DNM1: variants seen among roughly 807,000 people sequenced by gnomAD.
DNM1 encodes the protein dynamin-1.
Under a neutral mutation model 104.6 loss-of-function variants are expected in DNM1, and 29 were observed. That is an observed-to-expected ratio of 0.28 (90% CI 0.21 to 0.38). DNM1 has a LOEUF of 0.38. Ranked by LOEUF, DNM1 falls within the 10% of genes least tolerant of loss-of-function variation. The pLI is 1.00. For synonymous variants in DNM1, 445 were observed against 475.8 expected (o/e 0.94, Z 0.84); for missense variants, 640 against 1,189.4 (o/e 0.54, Z 6.79).
chr9:128,205,306 G>T (rs139009572), intron 1 of DNM1, among the ~76,000 whole-genome samples: 110 of 152,290 alleles, frequency 7.2e-4, no homozygotes, highest in Non-Finnish European at 1.2e-3. Flanking sequence ...CGTGCTTCAG[G>T]CTTGGGGTAG....
intron 10 of DNM1, among the ~76,000 whole-genome samples, chr9:128,229,367 G>A (rs1022871378): frequency 1.3e-5 from 2 of 150,672 alleles, no homozygotes; most frequent in Non-Finnish European, 3.0e-5. Context: ...TAGAGACCCT[G>A]TCTCTAAAAT....
chr9:128,244,695 G>C, intron 15 of DNM1: 1 of 520,000 alleles, frequency 1.9e-6, no homozygotes. Flanking sequence ...GGCAGGGGTC[G>C]GTCCAGCTCT....
intron 15 of DNM1, among the ~76,000 whole-genome samples, chr9:128,246,191 A>C (rs1419892298): frequency 6.6e-6 from 1 of 152,044 alleles, no homozygotes; most frequent in Admixed American, 6.5e-5. Context: ...GCATATATGC[A>C]GAGCTGGTAG....
At position 128,231,452 on chromosome 9, in the gene DNM1, C is replaced by T. The variant is rs1588400217; in HGVS notation, c.1336-2569C>T. Among the ~76,000 whole-genome samples the T allele has an allele frequency of 2.0e-5, 3 of 152,128 alleles. No homozygotes were observed. In the South Asian group the frequency reaches 6.2e-4, roughly 32 times the overall value. ...CCGACCTCAGGTGATCTGCCCACCT[C>T]GGCCTCCCAATGTACTGGGATTACA... is the stretch of plus-strand genomic sequence containing the variant. On this transcript the variant is annotated intron_variant, in intron 10 of 21. Transcript: ENST00000372923.
intron 10 of DNM1, among the ~76,000 whole-genome samples, chr9:128,232,981 G>A (rs1835791643): frequency 6.6e-6 from 1 of 152,192 alleles, no homozygotes; most frequent in Admixed American, 6.5e-5. Flanking sequence ...GGTGGAGTGG[G>A]AGAGGAGTGG....
intron 1 of DNM1, among the ~76,000 whole-genome samples, chr9:128,205,570 C>G (rs1397068696): frequency 6.6e-6 from 1 of 152,206 alleles, no homozygotes; most frequent in African/African-American, 2.4e-5. Flanking sequence ...ACAGCCGGGT[C>G]CTGCACCAGG....
At chr9:128,239,825 A>C (rs1160986999) in intron 13 of DNM1, 46 bp downstream of exon 13, 2 of 1,591,282 alleles carry the variant, frequency 1.3e-6, no homozygotes, top group African/African-American at 2.7e-5. Flanking sequence ...AGGGTGCCGG[A>C]CGGACACCAG....
chr9:128,233,833 G>A lies in DNM1; in HGVS notation c.1336-188G>A, dbSNP rs1588408089. 19 of 596,080 alleles carry A rather than the reference G, an allele frequency of 3.2e-5. No homozygotes were observed. The South Asian group carries it at 3.7e-4, about 12-fold the overall frequency. The allele number at this position is 596,080 out of a possible 1,614,324, so 36.9% of individuals were successfully genotyped here. On this transcript the variant is annotated intron_variant, in intron 10 of 21. Coordinates refer to ENST00000372923, the MANE Select transcript of DNM1 (RefSeq NM_004408.4). ...GAATCACCATTTGGAACCCACACTTGGGGGAAAGGGGTGGCCGTGGCTTGG... is the reference window on the plus strand; with the variant it reads ...GAATCACCATTTGGAACCCACACTTAGGGGAAAGGGGTGGCCGTGGCTTGG...
At chr9:128,239,567 C>CGTGT (rs34036148) in intron 12 of DNM1, 52 bp downstream of exon 12, 10,536 of 880,416 alleles carry the variant, frequency 0.012, 69 homozygotes, top group African/African-American at 0.03. Context: ...GAGAAGGTAA[C>CGTGT]GTGTGTGTGT....
At chr9:128,250,501 TCGCGGGGCGGGGCTTGC>T in intron 20 of DNM1, 145 bp downstream of exon 20, 1 of 1,080,108 alleles carries the variant, frequency 9.3e-7, no homozygotes, top group Non-Finnish European at 1.3e-6. Context: ...GCGGGGCTTG[TCGCGGGGCGGGGCTTGC>T]CGTGGAGAGC....
chr9:128,205,009 G>A (rs3003569), intron 1 of DNM1: 127,124 of 152,276 alleles, frequency 0.83, 54,507 homozygotes, highest in Non-Finnish European at 0.94. Flanking sequence ...GAGGGAGAGG[G>A]CCTGACTGGA....
At position 128,203,744 on chromosome 9, in the gene DNM1, C is replaced by A; in HGVS notation, c.161+113C>A. ...GCAGCCCCCGACGCTGCACCCGCGG[C>A]CGGCGCGCCCCCCACCCCCAGCCGG... On this transcript the variant is annotated intron_variant, in intron 1 of 21. Coordinates refer to ENST00000372923, the MANE Select transcript of DNM1 (RefSeq NM_004408.4). This position sits in a 1 kb window ranked among gnomAD's most constrained non-coding sequence, Gnocchi z 5.3. 1 of 1,015,906 alleles carries A rather than the reference C, an allele frequency of 9.8e-7. No homozygotes were observed. Among genetic ancestry groups the A allele is most frequent in the Non-Finnish European group, 1.3e-6 (1 of 791,864 alleles). 62.9% of individuals were successfully genotyped at this position (1,015,906 alleles called of 1,614,324 possible).
In DNM1 at chr9:128,248,098, G is replaced by A; in HGVS notation, c.1905+163G>A. ...AAACCCAACACTTTGGGAGGCCGAG[G>A]TGGGCGGATCACAAGGTCAGGAGTT... On this transcript the variant is annotated intron_variant, in intron 18 of 21. Coordinates refer to ENST00000372923, the MANE Select transcript of DNM1 (RefSeq NM_004408.4). This position sits in a 1 kb window ranked among gnomAD's most constrained non-coding sequence, Gnocchi z 5.6. 1.1e-6 allele frequency: 1 copy of A among 920,418 alleles called. No individual in the cohort carries two copies. Among genetic ancestry groups the A allele is most frequent in the Non-Finnish European group, 1.8e-6 (1 of 570,966 alleles). 57.0% of individuals were successfully genotyped at this position (920,418 alleles called of 1,614,324 possible).
In DNM1 at chr9:128,222,410, C is replaced by T. The variant is rs377545278; in HGVS notation, c.993-51C>T. On this transcript the variant is annotated intron_variant, in intron 7 of 21. Coordinates refer to ENST00000372923, the MANE Select transcript of DNM1 (RefSeq NM_004408.4). This position sits in a 1 kb window ranked among gnomAD's most constrained non-coding sequence, Gnocchi z 7.8. Reference sequence around the variant, plus strand: ...CTCAGCGTGGGGCTCTCCCAGGGTTCCCTTTGCTGGGCTGCTCCTGCCCCC... The same window carrying T: ...CTCAGCGTGGGGCTCTCCCAGGGTTTCCTTTGCTGGGCTGCTCCTGCCCCC... The T allele has an allele frequency of 3.1e-6, 5 of 1,610,276 alleles. No individual in the cohort carries two copies. The African/African-American group carries it at 6.7e-5, about 22-fold the overall frequency.
chr9:128,237,804 C>T (rs1554780175), intron 11 of DNM1, among the ~76,000 whole-genome samples: 1 of 152,074 alleles, frequency 6.6e-6, no homozygotes, highest in Non-Finnish European at 1.5e-5. Flanking sequence ...GATAGGGTCT[C>T]GCTCTGACGC....
At position 128,247,833 on chromosome 9, in the gene DNM1, C is replaced by T; in HGVS notation, c.1894-91C>T. 6.5e-7 allele frequency: 1 copy of T among 1,545,694 alleles called. No individual in the cohort carries two copies. The highest frequency in any genetic ancestry group is 8.8e-7 in the Non-Finnish European group (1 of 1,134,702). ...GTTGGGGTGCAGTATCCCAGGTTCACTCAATCTCTCCCCTTTTCCTCTCTG... is the reference window on the plus strand; with the variant it reads ...GTTGGGGTGCAGTATCCCAGGTTCATTCAATCTCTCCCCTTTTCCTCTCTG... On this transcript the variant is annotated intron_variant, in intron 17 of 21. Coordinates refer to ENST00000372923, the MANE Select transcript of DNM1 (RefSeq NM_004408.4). The surrounding 1 kb of genome is among the most constrained non-coding windows in gnomAD (Gnocchi z 5.1).
At chr9:128,234,196 T>C in intron 11 of DNM1, 89 bp downstream of exon 11, 1 of 1,038,528 alleles carries the variant, frequency 9.6e-7, no homozygotes, top group Non-Finnish European at 1.4e-6. Context: ...GTTGCTTCCT[T>C]CTTGTTTTGT....
At chr9:128,234,249 C>A in intron 11 of DNM1, 142 bp downstream of exon 11, 1 of 682,442 alleles carries the variant, frequency 1.5e-6, no homozygotes, top group Non-Finnish European at 2.4e-6. Context: ...TGACTCTCTG[C>A]TTCTCTCTCT....
In DNM1 at chr9:128,203,993, C is replaced by T. The variant is rs142093302; in HGVS notation, c.161+362C>T. 598 of 159,056 alleles carry T rather than the reference C, an allele frequency of 3.8e-3. 2 individuals carry two copies. The highest frequency in any genetic ancestry group is 0.014 in the African/African-American group (566 of 41,802). The allele number at this position is 159,056 out of a possible 1,614,324, so 9.9% of individuals were successfully genotyped here. A position where few individuals can be genotyped will look rare whatever the true frequency, so the allele number is the denominator to read the frequency against. ...ATTACTCAGCGTCTCCGTTGGGCTC[C>T]GGGAGTCCCTTGGAGCGGGCAGCAC... is the stretch of plus-strand genomic sequence containing the variant. On this transcript the variant is annotated intron_variant, in intron 1 of 21. Transcript: ENST00000372923. The surrounding 1 kb of genome is among the most constrained non-coding windows in gnomAD (Gnocchi z 5.3).
Sources: allele counts gnomAD v4.1 joint callset (sites outside exome capture counted in the v4.1 genomes callset), GRCh38; gene constraint gnomAD v4.1.1; non-coding constraint Gnocchi (gnomAD v3.1); transcripts MANE v1.5; gene names NCBI Gene and HGNC (gene_info 2026-07-23, HGNC 2026-07-21).